NAALADL2: variants seen among roughly 807,000 people sequenced by gnomAD.
NAALADL2 encodes inactive N-acetylated-alpha-linked acidic dipeptidase-like protein 2.
A neutral mutation model predicts 87.2 loss-of-function variants in NAALADL2; 76 were observed. The ratio of observed to expected loss-of-function variants is 0.87; its 90% confidence interval spans 0.72 to 1.05. NAALADL2 has a LOEUF of 1.05. Among genes scored for constraint, NAALADL2 ranks in the 50% least tolerant of loss-of-function variants. The pLI is 0.00. For synonymous variants in NAALADL2, 354 were observed against 331.0 expected, an observed-to-expected ratio of 1.07 and a Z score of -0.75; for missense variants, 1,089 against 945.8, an observed-to-expected ratio of 1.15 and a Z score of -1.99.
At chr3:174,544,187 C>T (rs1345754705) in intron 1 of NAALADL2, among the ~76,000 whole-genome samples, 1 of 152,010 alleles carries the variant, frequency 6.6e-6, no homozygotes, top group Non-Finnish European at 1.5e-5. Flanking sequence ...AAAGTTATTT[C>T]TTGATTTTTA....
intron 13 of NAALADL2, among the ~76,000 whole-genome samples, chr3:175,756,996 T>C (rs949999068): frequency 3.3e-5 from 5 of 151,252 alleles, no homozygotes; most frequent in African/African-American, 1.2e-4. Flanking sequence ...TGTATATATA[T>C]TTTTTATATG....
intron 13 of NAALADL2, among the ~76,000 whole-genome samples, chr3:175,772,444 G>T (rs1331273805): frequency 6.6e-6 from 1 of 152,084 alleles, no homozygotes; most frequent in Admixed American, 6.6e-5. Flanking sequence ...TCTACAATTT[G>T]TTCCTGTTTT....
intron 4 of NAALADL2, among the ~76,000 whole-genome samples, chr3:175,288,427 C>T (rs1235279274): frequency 6.6e-6 from 1 of 152,174 alleles, no homozygotes; most frequent in Non-Finnish European, 1.5e-5. Context: ...TATCTAGGTA[C>T]CCCATAGCCC....
intron 1 of NAALADL2, among the ~76,000 whole-genome samples, chr3:175,025,894 C>G (rs1004556071): frequency 2.0e-5 from 3 of 152,232 alleles, no homozygotes; most frequent in Non-Finnish European, 2.9e-5. Context: ...ACTGCAGCCT[C>G]CACCTCTCAG....
At chr3:174,495,593 T>C (rs1718480451) in intron 1 of NAALADL2, among the ~76,000 whole-genome samples, 1 of 151,770 alleles carries the variant, frequency 6.6e-6, no homozygotes, top group South Asian at 2.1e-4. Flanking sequence ...AGAACACATA[T>C]ATCACACAGG....
At chr3:174,859,191 A>G (rs1243555825), upstream of NAALADL2, 1 of 518,156 alleles carries the variant, frequency 1.9e-6, no homozygotes, top group African/African-American at 1.9e-5. Context: ...GTACACTTTA[A>G]TAGCCATACA....
chr3:175,156,502 G>A lies in NAALADL2; in HGVS notation c.545+59211G>A, dbSNP rs111685581. Among the ~76,000 whole-genome samples the A allele has an allele frequency of 3.4e-3, 511 of 152,022 alleles. 2 individuals are homozygous for A. The highest frequency in any genetic ancestry group is 0.012 in the African/African-American group (490 of 41,504). On this transcript the variant is annotated intron_variant, in intron 2 of 13. Coordinates refer to ENST00000454872, the MANE Select transcript of NAALADL2 (RefSeq NM_207015.3). The stretch of plus-strand genomic sequence containing the variant: ...TGAACACTATGTTGAAATAATACTC[G>A]TCACAGCTTTGAAAGGTATAAAAAG...
chr3:175,313,483 G>T (rs1015895824), intron 4 of NAALADL2, among the ~76,000 whole-genome samples: 2 of 152,108 alleles, frequency 1.3e-5, no homozygotes, highest in African/African-American at 4.8e-5. Context: ...TTTTCCGTTT[G>T]GTTCTTGATA....
chr3:175,410,542 G>A (rs1713310109), intron 5 of NAALADL2, among the ~76,000 whole-genome samples: 1 of 152,016 alleles, frequency 6.6e-6, no homozygotes, highest in Non-Finnish European at 1.5e-5. Flanking sequence ...TTAAAGCACT[G>A]GGAAACGTGA....
At chr3:174,826,470 G>A (rs1182038104) in intron 3 of NAALADL2, among the ~76,000 whole-genome samples, 1 of 152,150 alleles carries the variant, frequency 6.6e-6, no homozygotes, top group East Asian at 1.9e-4. Context: ...CACATAGTGA[G>A]GCCTCATTAA....
chr3:174,450,999 A>C (rs766136362), intron 1 of NAALADL2, among the ~76,000 whole-genome samples: 5 of 152,144 alleles, frequency 3.3e-5, no homozygotes, highest in African/African-American at 7.2e-5. Flanking sequence ...GTTTTTTCAA[A>C]ATTTTTAATT....
At chr3:174,520,855 AAAC>A (rs1355017311) in intron 1 of NAALADL2, among the ~76,000 whole-genome samples, 5 of 152,142 alleles carry the variant, frequency 3.3e-5, no homozygotes, top group Non-Finnish European at 7.4e-5. Flanking sequence ...TCAACAAGAA[AAAC>A]AACCCCATTG....
intron 4 of NAALADL2, among the ~76,000 whole-genome samples, chr3:175,311,338 T>C (rs1758340384): frequency 6.6e-6 from 1 of 152,120 alleles, no homozygotes; most frequent in African/African-American, 2.4e-5. Context: ...ATTATTATTT[T>C]CCATTACTTG....
chr3:175,020,211 G>A (rs1044770776), intron 1 of NAALADL2, among the ~76,000 whole-genome samples: 2 of 152,004 alleles, frequency 1.3e-5, no homozygotes, highest in African/African-American at 4.8e-5. Context: ...AAGATTGGTA[G>A]GTCTTGGTTC....
intron 9 of NAALADL2, among the ~76,000 whole-genome samples, chr3:175,508,301 C>T (rs912276404): frequency 1.3e-5 from 2 of 152,148 alleles, no homozygotes; most frequent in Non-Finnish European, 2.9e-5. Context: ...CCAACTATAT[C>T]ACTCTACTTG....
chr3:175,545,833 G>T (rs552480409), intron 9 of NAALADL2, among the ~76,000 whole-genome samples: 6 of 152,158 alleles, frequency 3.9e-5, no homozygotes, highest in African/African-American at 1.4e-4. Flanking sequence ...TTTAACCATT[G>T]TAATCCAAGT....
chr3:174,787,391 G>A (rs78134451), intron 3 of NAALADL2, among the ~76,000 whole-genome samples: 38,954 of 150,120 alleles, frequency 0.26, 5,296 homozygotes, highest in East Asian at 0.43. Flanking sequence ...AGCCTGAAAA[G>A]TAATCTAATA....
At chr3:174,677,547 C>T (rs1046056230) in intron 2 of NAALADL2, among the ~76,000 whole-genome samples, 4 of 152,062 alleles carry the variant, frequency 2.6e-5, no homozygotes, top group Admixed American at 2.6e-4. Context: ...TCAAAGAGAA[C>T]ACTGAATCTG....
At chr3:175,465,013 T>C (rs1410604325) in intron 7 of NAALADL2, among the ~76,000 whole-genome samples, 17 of 152,130 alleles carry the variant, frequency 1.1e-4, no homozygotes, top group Admixed American at 1.0e-3. Context: ...ATTGAAAAAA[T>C]CGATTTTACC....
Sources: gnomAD v4.1 joint callset for allele counts (sites outside exome capture counted in the v4.1 genomes callset) on GRCh38, gnomAD v4.1.1 for gene constraint, MANE v1.5 for transcripts, NCBI Gene and HGNC (gene_info 2026-07-23, HGNC 2026-07-21) for gene names.